Variants in PHKB observed in about 807,000 individuals in gnomAD.
PHKB encodes phosphorylase b kinase regulatory subunit beta.
PHKB carries 122 observed loss-of-function variants against 152.1 expected under a neutral mutation model. The observed-to-expected ratio is 0.80, with a 90% CI of 0.69 to 0.93. The LOEUF is 0.93. PHKB is among the 40% of genes least tolerant of loss of function. The pLI is 0.00. For synonymous variants in PHKB, 436 were observed against 464.9 expected, an observed-to-expected ratio of 0.94 and a Z score of 0.80; for missense variants, 1,304 against 1,328.4, an observed-to-expected ratio of 0.98 and a Z score of 0.29.
At chr16:47,636,371 G>T (rs146020183) in intron 14 of PHKB, among the ~76,000 whole-genome samples, 1 of 152,196 alleles carries the variant, frequency 6.6e-6, no homozygotes, top group African/African-American at 2.4e-5. Context: ...GCCAGAGGGG[G>T]CCAGGAGGAG....
At chr16:47,555,512 C>T (rs1971353444) in intron 7 of PHKB, among the ~76,000 whole-genome samples, 1 of 151,924 alleles carries the variant, frequency 6.6e-6, no homozygotes, top group South Asian at 2.1e-4. Flanking sequence ...TAGCTCTCTT[C>T]AGTGAATATT....
In PHKB at chr16:47,593,510, G is replaced by A. The variant is rs954127087; in HGVS notation, c.1079G>A (p.Gly360Asp). 3.5e-6 allele frequency: 5 copies of A among 1,438,952 alleles called. No homozygotes were observed. Among genetic ancestry groups the A allele is most frequent in the Non-Finnish European group, 4.9e-6 (5 of 1,021,014 alleles). 89.1% of individuals were successfully genotyped at this position (1,438,952 alleles called of 1,614,324 possible). Reference protein sequence around the residue: ...YKPAEIKLFDGIECEFPIFFL... With the variant: ...YKPAEIKLFDDIECEFPIFFL... ...TATTTTCTGTTTTAGCTATTTGATG[G>A]CATTGAATGTGAATTTCCCATATTT... Residue 360 changes from glycine to aspartate, a missense_variant, in exon 11 of 31, where the codon GGC (glycine) becomes GAC (aspartate). By Grantham distance (94) the Gly-to-Asp change is moderately conservative (BLOSUM62 -1). Coordinates refer to ENST00000323584, the MANE Select transcript of PHKB (RefSeq NM_000293.3).
chr16:47,672,458 A>C (rs185322663), intron 26 of PHKB, among the ~76,000 whole-genome samples: 1 of 152,136 alleles, frequency 6.6e-6, no homozygotes, highest in African/African-American at 2.4e-5. Context: ...ATTGTCACAG[A>C]CTCAGGCATT....
At chr16:47,533,329 A>T (rs1481944163) in intron 6 of PHKB, among the ~76,000 whole-genome samples, 1 of 152,118 alleles carries the variant, frequency 6.6e-6, no homozygotes, top group Non-Finnish European at 1.5e-5. Context: ...ACCCCAGTCC[A>T]CAGGACTGGC....
At chr16:47,640,684 T>C (rs1048722887) in intron 14 of PHKB, among the ~76,000 whole-genome samples, 3 of 152,138 alleles carry the variant, frequency 2.0e-5, no homozygotes, top group Non-Finnish European at 2.9e-5. Context: ...TAAATTGGGT[T>C]TTTATTTTTA....
chr16:47,583,873 G>T (rs1385260753), intron 8 of PHKB, among the ~76,000 whole-genome samples: 3 of 151,948 alleles, frequency 2.0e-5, no homozygotes, highest in Non-Finnish European at 4.4e-5. Context: ...TCTGAAAGAG[G>T]TATCCATTTC....
chr16:47,647,360 G>C (rs1429078145), intron 16 of PHKB, among the ~76,000 whole-genome samples: 1 of 152,138 alleles, frequency 6.6e-6, no homozygotes, highest in Non-Finnish European at 1.5e-5. Flanking sequence ...CTGATCTCAG[G>C]TGATCCACCC....
chr16:47,567,010 T>C, intron 7 of PHKB: 1 of 404,206 alleles, frequency 2.5e-6, no homozygotes, highest in Non-Finnish European at 4.5e-6. Flanking sequence ...AGTATAATTT[T>C]AAGTCAGGTA....
At chr16:47,557,468 T>G (rs954625443) in intron 7 of PHKB, among the ~76,000 whole-genome samples, 1 of 152,040 alleles carries the variant, frequency 6.6e-6, no homozygotes, top group African/African-American at 2.4e-5. Context: ...GGGAGAAAAT[T>G]TTCGCAACCT....
At chr16:47,500,949 T>G (rs1970315444) in intron 3 of PHKB, among the ~76,000 whole-genome samples, 1 of 152,204 alleles carries the variant, frequency 6.6e-6, no homozygotes, top group Non-Finnish European at 1.5e-5. Flanking sequence ...TGTTGGATTT[T>G]AAAAAGAAAA....
At chr16:47,467,841 C>G (rs571879575) in intron 1 of PHKB, among the ~76,000 whole-genome samples, 1 of 152,272 alleles carries the variant, frequency 6.6e-6, no homozygotes, top group African/African-American at 2.4e-5. Flanking sequence ...GTTTTATCTT[C>G]AGTCTTTTGT....
chr16:47,560,940 A>G (rs1971466122), intron 7 of PHKB, among the ~76,000 whole-genome samples: 1 of 152,194 alleles, frequency 6.6e-6, no homozygotes, highest in Non-Finnish European at 1.5e-5. Context: ...TATATGGTAT[A>G]AGGAAAAGGA....
chr16:47,538,067 A>T (rs1423827317), intron 6 of PHKB, among the ~76,000 whole-genome samples: 2 of 151,508 alleles, frequency 1.3e-5, no homozygotes, highest in Admixed American at 6.6e-5. Context: ...TAATTTTTTA[A>T]TTTTTTTTGT....
intron 20 of PHKB, among the ~76,000 whole-genome samples, chr16:47,659,421 T>A (rs543168053): frequency 6.6e-6 from 1 of 152,328 alleles, no homozygotes; most frequent in South Asian, 2.1e-4. Context: ...TGCCTTATTT[T>A]TAATTAATAA....
At chr16:47,515,725 G>A (rs1273784148) in intron 6 of PHKB, 124 bp downstream of exon 6, 1 of 666,302 alleles carries the variant, frequency 1.5e-6, no homozygotes, top group Non-Finnish European at 2.7e-6. Context: ...TATATAATCA[G>A]ATAGTAGATG....
At chr16:47,487,768 C>T (rs186272806) in intron 1 of PHKB, among the ~76,000 whole-genome samples, 41 of 152,270 alleles carry the variant, frequency 2.7e-4, no homozygotes, top group African/African-American at 4.3e-4. Flanking sequence ...CTACAAAGGA[C>T]GTGATTCCAT....
At chr16:47,544,937 A>G (rs1343463981) in intron 6 of PHKB, among the ~76,000 whole-genome samples, 2 of 151,314 alleles carry the variant, frequency 1.3e-5, no homozygotes, top group Non-Finnish European at 2.9e-5. Flanking sequence ...TTTGTTTTCC[A>G]TTTGCTTGGT....
chr16:47,608,629 T>G (rs1420265685), intron 13 of PHKB, among the ~76,000 whole-genome samples: 1 of 152,192 alleles, frequency 6.6e-6, no homozygotes, highest in Non-Finnish European at 1.5e-5. Flanking sequence ...CCAGAATTGC[T>G]TGAACTTGGG....
chr16:47,559,326 G>A (rs1448222974), intron 7 of PHKB, among the ~76,000 whole-genome samples: 5 of 152,038 alleles, frequency 3.3e-5, no homozygotes, highest in African/African-American at 4.8e-5. Flanking sequence ...AATTGTTCTG[G>A]GTACATGGTA....
Sources: gnomAD v4.1 joint callset for allele counts (sites outside exome capture counted in the v4.1 genomes callset) on GRCh38, gnomAD v4.1.1 for gene constraint, MANE v1.5 for transcripts, NCBI Gene and HGNC (gene_info 2026-07-23, HGNC 2026-07-21) for gene names.